The following ZNF219 variants were observed in gnomAD, a reference collection of about 807,000 sequenced individuals.
ZNF219 encodes the protein zinc finger protein 219.
ZNF219 carries 17 observed loss-of-function variants against 54.4 expected under a neutral mutation model. The ratio of observed to expected loss-of-function variants is 0.31; its 90% confidence interval spans 0.21 to 0.47. The LOEUF is 0.47. ZNF219 is among the 20% of genes least tolerant of loss of function. The probability of loss-of-function intolerance (pLI) is 1.00; values close to 1 mark genes in which losing one functional copy is unlikely to be tolerated. For missense variants in ZNF219, 1,014 were observed against 1,062.3 expected (o/e 0.95, Z 0.63); for synonymous variants, 518 against 476.4 (o/e 1.09, Z -1.14).
chr14:21,103,559 C>G, upstream of ZNF219: 1 of 337,438 alleles, frequency 3.0e-6, no homozygotes, highest in Non-Finnish European at 5.5e-6. Context: ...ATCCCATCCA[C>G]TCCAAATCCC....
chr14:21,100,120 T>A (rs1022937433), upstream of ZNF219, among the ~76,000 whole-genome samples: 2 of 152,126 alleles, frequency 1.3e-5, no homozygotes, highest in African/African-American at 4.8e-5. Context: ...CCCAGCAGTT[T>A]GGGAGGCCAA....
chr14:21,101,996 G>C (rs1218828212), upstream of ZNF219: 1 of 1,551,058 alleles, frequency 6.4e-7, no homozygotes, highest in African/African-American at 1.4e-5. Context: ...CCACAAGGGA[G>C]GGTGGAAGGT....
At chr14:21,094,561 G>T in intron 1 of ZNF219, 1 of 369,090 alleles carries the variant, frequency 2.7e-6, no homozygotes, top group South Asian at 2.0e-5. Context: ...AGGCTGGAGT[G>T]AGGGACGGGG....
At chr14:21,100,463 C>T (rs1184320807), upstream of ZNF219, among the ~76,000 whole-genome samples, 1 of 152,088 alleles carries the variant, frequency 6.6e-6, no homozygotes, top group Non-Finnish European at 1.5e-5. Flanking sequence ...GGCTATGAGG[C>T]ACCTTCTCTC....
At chr14:21,097,858 G>A (rs1243309478) in intron 1 of ZNF219, among the ~76,000 whole-genome samples, 2 of 150,770 alleles carry the variant, frequency 1.3e-5, no homozygotes, top group East Asian at 4.0e-4. Flanking sequence ...GAGAGTTTGG[G>A]CTCCTTCCCC....
chr14:21,092,309 G>C lies in ZNF219; in HGVS notation c.988C>G (p.Pro330Ala). The change falls in exon 3 of 5, where the codon CCA (proline) becomes GCA (alanine). Residue 330 changes from proline (P) to alanine (A), a missense_variant. This residue lies in a region of ZNF219 where 272 missense variants were observed against 248.9 expected (regional missense o/e 1.09). Transcript: ENST00000360947. ...HMKVHASKLGPLRAPGPASGP... is the reference protein window; with the variant it reads ...HMKVHASKLGALRAPGPASGP... ...GAGGCAGGCCCCGGGGCACGCAGTG[G>C]GCCCAGCTTGCTGGCGTGCACCTTC... 2 of 1,545,600 alleles carry C rather than the reference G, an allele frequency of 1.3e-6. No homozygotes were observed. Among genetic ancestry groups the C allele is most frequent in the East Asian group, 4.8e-5 (2 of 41,764 alleles).
upstream of ZNF219, among the ~76,000 whole-genome samples, chr14:21,100,235 A>G (rs1889545101): frequency 6.6e-6 from 1 of 152,080 alleles, no homozygotes; most frequent in Non-Finnish European, 1.5e-5. Flanking sequence ...GCATGGTGGC[A>G]TGTGCCTGTG....
upstream of ZNF219, chr14:21,103,589 T>G (rs936540125): frequency 1.1e-5 from 3 of 264,680 alleles, no homozygotes; most frequent in Admixed American, 1.5e-4. Context: ...ACACGCCAAC[T>G]CCCTGAATCC....
chr14:21,093,126 G>A lies in ZNF219; in HGVS notation c.171C>T (p.Phe57=), dbSNP rs765652759. The change falls in exon 3 of 5, where the codon TTC becomes TTT. Residue 57 remains phenylalanine, a synonymous_variant. Coordinates refer to ENST00000360947, the MANE Select transcript of ZNF219 (RefSeq NM_016423.3). ...AGCGCTTCCCGCATACAGGGCAGGG[G>A]AAGCGCCGTTCGCCTGCACGACTCT... The part of the protein sequence containing the change: ...WSESRAGERR[F]PCPVCGKRFR... 3 of 1,610,302 alleles carry A rather than the reference G, an allele frequency of 1.9e-6. No homozygotes were observed. Among genetic ancestry groups the A allele is most frequent in the Non-Finnish European group, 2.5e-6 (3 of 1,179,260 alleles).
intron 1 of ZNF219, among the ~76,000 whole-genome samples, chr14:21,095,866 T>C (rs1373693396): frequency 1.3e-5 from 2 of 152,148 alleles, no homozygotes; most frequent in African/African-American, 4.8e-5. Flanking sequence ...CTAGAAGAAT[T>C]TTAATTAGCT....
At chr14:21,103,721 G>C (rs1270511468), upstream of ZNF219, 5 of 155,976 alleles carry the variant, frequency 3.2e-5, no homozygotes, top group African/African-American at 1.2e-4. Flanking sequence ...TTCTCTCCGC[G>C]GTAGGGGCGC....
chr14:21,093,542 T>C (rs1425041227), intron 2 of ZNF219, 44 bp downstream of exon 2: 2 of 1,594,064 alleles, frequency 1.3e-6, no homozygotes, highest in African/African-American at 1.3e-5. Context: ...AGAGGGAGTA[T>C]ACAGTTGTAG....
upstream of ZNF219, chr14:21,098,848 A>G (rs1459836319): frequency 3.1e-6 from 4 of 1,287,640 alleles, no homozygotes; most frequent in East Asian, 5.6e-5. Context: ...TTCTGCCCCA[A>G]CATGCACAGA....
At chr14:21,100,735 G>A (rs1036119597), upstream of ZNF219, among the ~76,000 whole-genome samples, 1 of 152,166 alleles carries the variant, frequency 6.6e-6, no homozygotes, top group Non-Finnish European at 1.5e-5. Context: ...TGGTCTGGGG[G>A]CAAAGCTGCA....
upstream of ZNF219, chr14:21,101,999 T>C (rs1488381432): frequency 3.2e-6 from 5 of 1,550,630 alleles, no homozygotes; most frequent in Non-Finnish European, 4.4e-6. Context: ...CAAGGGAGGG[T>C]GGAAGGTCCC....
intron 1 of ZNF219, chr14:21,094,536 G>A (rs1226127911): frequency 2.5e-6 from 1 of 403,030 alleles, no homozygotes; most frequent in Admixed American, 2.9e-5. Context: ...GGATTACACT[G>A]GCTCTGAGCT....
chr14:21,103,307 G>A, upstream of ZNF219: 3 of 1,530,224 alleles, frequency 2.0e-6, no homozygotes, highest in Non-Finnish European at 2.6e-6. Flanking sequence ...AAACTCAGAA[G>A]CTTGCTGGGA....
intron 1 of ZNF219, among the ~76,000 whole-genome samples, chr14:21,096,330 C>G (rs987677805): frequency 2.0e-5 from 3 of 152,188 alleles, no homozygotes; most frequent in African/African-American, 7.2e-5. Context: ...AAAGTTTCCC[C>G]AGAAGGTGGC....
Position 21,090,505 on chromosome 14 carries a change from G to A in ZNF219, c.*31C>T, listed in dbSNP as rs1026522848. On this transcript the variant is annotated 3_prime_UTR_variant, in exon 5 of 5. Transcript: ENST00000360947. The surrounding 1 kb of genome is among the most constrained non-coding windows in gnomAD (Gnocchi z 4.4). The stretch of plus-strand genomic sequence containing the variant: ...GCGCTCCCCCGCTCCGGCGGGGTAA[G>A]CTCACTAAGCTAATCGCCCCTGAGG... The A allele has an allele frequency of 1.9e-6, 3 of 1,555,640 alleles. No individual in the cohort carries two copies. The highest frequency in any genetic ancestry group is 1.9e-5 in the Admixed American group (1 of 52,846).
Sources: gnomAD v4.1 joint callset for allele counts (sites outside exome capture counted in the v4.1 genomes callset) on GRCh38, gnomAD v4.1.1 for gene constraint, gnomAD v4.1.1 regional missense constraint, Gnocchi (gnomAD v3.1) non-coding constraint, MANE v1.5 for transcripts, NCBI Gene and HGNC (gene_info 2026-07-23, HGNC 2026-07-21) for gene names.